The following SLC24A3 variants were observed in gnomAD, a reference collection of about 807,000 sequenced individuals.
The protein encoded by SLC24A3 is sodium/potassium/calcium exchanger 3.
SLC24A3 carries 28 observed loss-of-function variants against 75.8 expected under a neutral mutation model. The ratio of observed to expected loss-of-function variants is 0.37; its 90% CI spans 0.27 to 0.51. The LOEUF (loss-of-function observed/expected upper bound fraction) is 0.51. SLC24A3 is among the 20% of genes least tolerant of loss of function. SLC24A3 has a pLI of 0.94. For missense variants in SLC24A3, 663 were observed against 847.8 expected (o/e 0.78, Z 2.71); for synonymous variants, 372 against 334.1 (o/e 1.11, Z -1.24).
At position 19,281,050 on chromosome 20, in the gene SLC24A3, T is replaced by C. The variant is rs1983648303; in HGVS notation, c.234T>C (p.Asp78=). 1.2e-6 allele frequency: 2 copies of C among 1,614,156 alleles called. No homozygotes were observed. Among genetic ancestry groups the C allele is most frequent in the Non-Finnish European group, 1.7e-6 (2 of 1,180,024 alleles). ...TGAACGACACTCTGACTTCCGAAGA[T>C]GCCGGACTCCGGAACAGCAAGAACT... ...MQVNDTLTSE[D]AGLRNSKNCT... The change falls in exon 2 of 17, where the codon GAT becomes GAC. Residue 78 remains aspartate (D), a synonymous_variant. Transcript: ENST00000328041.
intron 1 of SLC24A3, among the ~76,000 whole-genome samples, chr20:19,262,853 T>C (rs1295501630): frequency 6.6e-6 from 1 of 151,904 alleles, no homozygotes; most frequent in East Asian, 1.9e-4. Flanking sequence ...CTCTGTGAGA[T>C]TGTGTGCTGG....
At chr20:19,501,778 T>C (rs577483590) in intron 2 of SLC24A3, among the ~76,000 whole-genome samples, 8 of 152,280 alleles carry the variant, frequency 5.3e-5, no homozygotes, top group Admixed American at 4.6e-4. Flanking sequence ...GATTGCTCTT[T>C]CTGTCTGATT....
intron 2 of SLC24A3, among the ~76,000 whole-genome samples, chr20:19,293,146 A>G (rs1983981423): frequency 6.6e-6 from 1 of 152,142 alleles, no homozygotes. Flanking sequence ...ATATCTTTCC[A>G]CATTCCAGCA....
chr20:19,589,602 T>A (rs2031345153), intron 6 of SLC24A3, among the ~76,000 whole-genome samples: 1 of 152,232 alleles, frequency 6.6e-6, no homozygotes, highest in South Asian at 2.1e-4. Flanking sequence ...GGTCTCATCT[T>A]CAGCTCCCTT....
chr20:19,326,003 G>A (rs758265409), intron 2 of SLC24A3, among the ~76,000 whole-genome samples: 8 of 151,848 alleles, frequency 5.3e-5, no homozygotes, highest in Non-Finnish European at 1.0e-4. Flanking sequence ...GTCAGGTGTG[G>A]TATTTTCCAC....
chr20:19,385,128 G>C (rs1028303317), intron 2 of SLC24A3, among the ~76,000 whole-genome samples: 1 of 152,166 alleles, frequency 6.6e-6, no homozygotes, highest in Non-Finnish European at 1.5e-5. Context: ...TTACTGGGCA[G>C]AAGGGTTTTA....
intron 2 of SLC24A3, among the ~76,000 whole-genome samples, chr20:19,502,868 C>CA (rs368651686): frequency 0.028 from 1,995 of 71,944 alleles, 48 homozygotes; most frequent in African/African-American, 0.067. Flanking sequence ...CTGTCTCTAC[C>CA]AAAAAAAAAA....
At chr20:19,601,846 C>T (rs2031531087) in intron 6 of SLC24A3, among the ~76,000 whole-genome samples, 1 of 152,074 alleles carries the variant, frequency 6.6e-6, no homozygotes, top group Admixed American at 6.6e-5. Flanking sequence ...ATAATTGAAA[C>T]AGTAATAGGA....
At chr20:19,530,621 G>A (rs904763355) in intron 3 of SLC24A3, among the ~76,000 whole-genome samples, 4 of 152,278 alleles carry the variant, frequency 2.6e-5, no homozygotes, top group South Asian at 2.1e-4. Flanking sequence ...CTCAAGGTCC[G>A]AGATCTGTGA....
chr20:19,599,439 G>A (rs2031497033), intron 6 of SLC24A3, among the ~76,000 whole-genome samples: 1 of 151,792 alleles, frequency 6.6e-6, no homozygotes, highest in Non-Finnish European at 1.5e-5. Flanking sequence ...CTGGTGGCCT[G>A]CATGTGTGAT....
intron 6 of SLC24A3, among the ~76,000 whole-genome samples, chr20:19,604,092 C>A (rs2031564753): frequency 6.6e-6 from 1 of 152,072 alleles, no homozygotes; most frequent in African/African-American, 2.4e-5. Context: ...ATGATGGTGA[C>A]CAAGACAGGA....
intron 1 of SLC24A3, among the ~76,000 whole-genome samples, chr20:19,223,691 TATC>T (rs144625488): frequency 0.05 from 7,560 of 152,310 alleles, 283 homozygotes; most frequent in Admixed American, 0.072. Context: ...TCTCTCAAAA[TATC>T]TTCTTGTACT....
In SLC24A3 at chr20:19,673,585, C is replaced by G; in HGVS notation, c.714-16C>G. 1 of 1,612,808 alleles carries G rather than the reference C, an allele frequency of 6.2e-7. No homozygotes were observed. The highest frequency in any genetic ancestry group is 1.7e-4 in the Middle Eastern group (1 of 6,030). On this transcript the variant is annotated splice_polypyrimidine_tract_variant and intron_variant, in intron 8 of 16. Transcript: ENST00000328041. ...ATGTCCATGACTGTCTTTAACTGTTCTTGGTTTACACACAGGTGGGAGTCT... is the reference window on the plus strand; with the variant it reads ...ATGTCCATGACTGTCTTTAACTGTTGTTGGTTTACACACAGGTGGGAGTCT...
intron 13 of SLC24A3, among the ~76,000 whole-genome samples, chr20:19,696,084 C>G (rs1284364925): frequency 3.9e-5 from 5 of 127,068 alleles, no homozygotes; most frequent in Admixed American, 3.1e-4. Flanking sequence ...ATGGCACTAT[C>G]ACAGCTCATC....
chr20:19,456,047 T>C (rs985444948), intron 2 of SLC24A3, among the ~76,000 whole-genome samples: 2 of 152,236 alleles, frequency 1.3e-5, no homozygotes, highest in African/African-American at 4.8e-5. Context: ...TCCTCTGTGC[T>C]GCCAGGCAGT....
intron 1 of SLC24A3, among the ~76,000 whole-genome samples, chr20:19,215,505 G>A (rs1981528662): frequency 6.6e-6 from 1 of 152,192 alleles, no homozygotes; most frequent in Non-Finnish European, 1.5e-5. Context: ...CACCTTGAAA[G>A]CCATGCAGTG....
intron 6 of SLC24A3, among the ~76,000 whole-genome samples, chr20:19,601,625 A>T (rs1179688748): frequency 2.6e-5 from 4 of 152,040 alleles, no homozygotes; most frequent in Non-Finnish European, 5.9e-5. Flanking sequence ...CTTTCTCAGA[A>T]CGGTGTTGAC....
At chr20:19,338,925 C>CT (rs984025344) in intron 2 of SLC24A3, among the ~76,000 whole-genome samples, 7 of 152,122 alleles carry the variant, frequency 4.6e-5, no homozygotes, top group African/African-American at 1.4e-4. Flanking sequence ...TCTCTATTAC[C>CT]TTTTTTTAAG....
At chr20:19,588,525 G>A (rs574262272) in intron 6 of SLC24A3, among the ~76,000 whole-genome samples, 17 of 152,322 alleles carry the variant, frequency 1.1e-4, no homozygotes, top group South Asian at 8.3e-4. Context: ...CATAACCCTC[G>A]CTTTGGTGTT....
Sources: gnomAD v4.1 joint callset for allele counts (sites outside exome capture counted in the v4.1 genomes callset) on GRCh38, gnomAD v4.1.1 for gene constraint, MANE v1.5 for transcripts, NCBI Gene and HGNC (gene_info 2026-07-23, HGNC 2026-07-21) for gene names.